Variants in SCUBE1 observed in about 807,000 individuals in gnomAD.
SCUBE1 encodes the protein signal peptide, CUB domain and EGF like domain containing 1.
A neutral mutation model predicts 124.4 loss-of-function variants in SCUBE1; 59 were observed. The ratio of observed to expected loss-of-function variants is 0.47; its 90% CI spans 0.38 to 0.59. The LOEUF is 0.59. Among genes scored for constraint, SCUBE1 ranks in the 20% least tolerant of loss-of-function variants. The pLI is 0.00. For synonymous variants in SCUBE1, 545 were observed against 550.9 expected (o/e 0.99, Z 0.15); for missense variants, 1,150 against 1,371.2 (o/e 0.84, Z 2.55).
At chr22:43,262,167 A>C (rs1482895998) in intron 5 of SCUBE1, among the ~76,000 whole-genome samples, 2 of 152,166 alleles carry the variant, frequency 1.3e-5, no homozygotes, top group Admixed American at 1.3e-4. Flanking sequence ...TCTGATCTTT[A>C]CATTTTATTT....
At chr22:43,342,568 T>A (rs981403160) in intron 1 of SCUBE1, among the ~76,000 whole-genome samples, 11 of 150,492 alleles carry the variant, frequency 7.3e-5, no homozygotes, top group Non-Finnish European at 1.5e-5. Flanking sequence ...TCTCTCTCCC[T>A]TATCATCGGT....
chr22:43,264,296 G>A (rs1202964531), intron 4 of SCUBE1, among the ~76,000 whole-genome samples: 2 of 152,222 alleles, frequency 1.3e-5, no homozygotes, highest in African/African-American at 2.4e-5. Context: ...CTTAGAAGGG[G>A]CAGGATCACC....
At position 43,220,321 on chromosome 22, in the gene SCUBE1, G is replaced by A. The variant is rs9620125; in HGVS notation, c.1687+129C>T. On this transcript the variant is annotated intron_variant, in intron 14 of 21. Transcript: ENST00000360835. ...GCCTGCCTCTGTCTCCAGAAGCTGGGCTCCCATCCCAGCCACAGCTGTGCT... is the reference window on the plus strand; with the variant it reads ...GCCTGCCTCTGTCTCCAGAAGCTGGACTCCCATCCCAGCCACAGCTGTGCT... 1,036 of 1,075,566 alleles carry A rather than the reference G, an allele frequency of 9.6e-4. 6 individuals are homozygous for A. In the African/African-American group the frequency reaches 0.015, roughly 15 times the overall value. 66.6% of individuals were successfully genotyped at this position (1,075,566 alleles called of 1,614,324 possible).
intron 16 of SCUBE1, 39 bp downstream of exon 16, chr22:43,214,042 CCCCCGCCCA>C: frequency 2.3e-6 from 1 of 431,208 alleles, no homozygotes; most frequent in South Asian, 2.6e-5. Context: ...ACAGGAGGAG[CCCCCGCCCA>C]CCCCCCACCC....
intron 3 of SCUBE1, among the ~76,000 whole-genome samples, chr22:43,308,045 C>T (rs2090505644): frequency 6.8e-6 from 1 of 147,952 alleles, no homozygotes; most frequent in South Asian, 2.1e-4. Flanking sequence ...TGTCAAAGGC[C>T]ACTCCACCCC....
chr22:43,328,186 C>T (rs1770365649), intron 2 of SCUBE1, among the ~76,000 whole-genome samples: 1 of 152,192 alleles, frequency 6.6e-6, no homozygotes, highest in Admixed American at 6.5e-5. Flanking sequence ...GCCCTGAAGC[C>T]CTTGCTGGGG....
chr22:43,280,661 C>A (rs1393550722), intron 4 of SCUBE1, among the ~76,000 whole-genome samples: 2 of 150,990 alleles, frequency 1.3e-5, no homozygotes, highest in East Asian at 3.9e-4. Context: ...CTTCCCCTAT[C>A]AGCCCTCCTT....
chr22:43,263,860 C>T (rs1027878604), intron 4 of SCUBE1, among the ~76,000 whole-genome samples: 18 of 152,204 alleles, frequency 1.2e-4, no homozygotes, highest in Admixed American at 2.6e-4. Flanking sequence ...CAGAGTCTAA[C>T]TAAGCAACGA....
At chr22:43,304,720 G>A (rs1925902320) in intron 3 of SCUBE1, among the ~76,000 whole-genome samples, 2 of 151,934 alleles carry the variant, frequency 1.3e-5, no homozygotes, top group Admixed American at 6.6e-5. Context: ...CTGCTCCCTG[G>A]CCGAGCCCTT....
intron 16 of SCUBE1, 39 bp downstream of exon 16, chr22:43,214,051 A>ACCCCC: frequency 5.8e-5 from 8 of 137,776 alleles, no homozygotes; most frequent in South Asian, 2.3e-4. Context: ...GCCCCCGCCC[A>ACCCCC]CCCCCCACCC....
intron 10 of SCUBE1, among the ~76,000 whole-genome samples, chr22:43,226,884 C>T (rs937357076): frequency 3.3e-5 from 5 of 152,112 alleles, no homozygotes; most frequent in Non-Finnish European, 5.9e-5. Flanking sequence ...GGGGCAGGGA[C>T]CATGGGCTTT....
At chr22:43,309,033 C>T (rs1054811190) in intron 3 of SCUBE1, among the ~76,000 whole-genome samples, 8 of 152,222 alleles carry the variant, frequency 5.3e-5, no homozygotes, top group South Asian at 2.1e-4. Flanking sequence ...AGGTGGGGAG[C>T]GGACCGTGGG....
intron 3 of SCUBE1, among the ~76,000 whole-genome samples, chr22:43,298,877 C>G (rs896264189): frequency 2.5e-4 from 38 of 152,106 alleles, no homozygotes; most frequent in African/African-American, 8.9e-4. Flanking sequence ...ACGGTGAAAC[C>G]CTGTCTCTAC....
At chr22:43,207,489 C>T in intron 21 of SCUBE1, 45 bp downstream of exon 21, 1 of 1,468,870 alleles carries the variant, frequency 6.8e-7, no homozygotes, top group South Asian at 1.1e-5. Context: ...CATCACAGGC[C>T]CCATCCCAGG....
chr22:43,283,987 G>A (rs976560582), intron 4 of SCUBE1, among the ~76,000 whole-genome samples: 2 of 152,232 alleles, frequency 1.3e-5, no homozygotes, highest in African/African-American at 4.8e-5. Flanking sequence ...TCAGAAATGA[G>A]TGGCAATGGC....
intron 7 of SCUBE1, among the ~76,000 whole-genome samples, chr22:43,232,844 A>G (rs1922610731): frequency 6.6e-6 from 1 of 152,138 alleles, no homozygotes; most frequent in South Asian, 2.1e-4. Flanking sequence ...TGTCGGGCCC[A>G]TCTGGGCTTT....
chr22:43,226,197 A>C (rs28447203), intron 10 of SCUBE1, among the ~76,000 whole-genome samples: 1 of 152,260 alleles, frequency 6.6e-6, no homozygotes, highest in African/African-American at 2.4e-5. Context: ...TAAAGCTTAC[A>C]TTCTAGTGAG....
intron 3 of SCUBE1, among the ~76,000 whole-genome samples, chr22:43,299,573 G>A (rs1925690910): frequency 6.6e-6 from 1 of 152,190 alleles, no homozygotes; most frequent in Admixed American, 6.5e-5. Flanking sequence ...GAGGATGTGG[G>A]TGGGACTTTT....
chr22:43,339,920 CCAA>C (rs1927249637), intron 1 of SCUBE1, among the ~76,000 whole-genome samples: 1 of 48,132 alleles, frequency 2.1e-5, no homozygotes, highest in Middle Eastern at 9.1e-3. Context: ...TTCTACCCCC[CCAA>C]CAAGCATAGC....
Sources: gnomAD v4.1 joint callset for allele counts (sites outside exome capture counted in the v4.1 genomes callset) on GRCh38, gnomAD v4.1.1 for gene constraint, MANE v1.5 for transcripts, NCBI Gene and HGNC (gene_info 2026-07-23, HGNC 2026-07-21) for gene names.